The following KAZN variants were observed in gnomAD, a reference collection of about 807,000 sequenced individuals.
The protein encoded by KAZN is kazrin, periplakin interacting protein.
In KAZN, 40 loss-of-function variants were observed where a neutral mutation model predicts 87.4. That is an observed-to-expected ratio of 0.46 (90% CI 0.36 to 0.60). The LOEUF is 0.60. KAZN is among the 20% of genes least tolerant of loss of function. The pLI, the probability that KAZN is intolerant of heterozygous loss-of-function variation, is 0.00. For synonymous variants in KAZN, 466 were observed against 458.3 expected, an observed-to-expected ratio of 1.02 and a Z score of -0.22; for missense variants, 898 against 1,073.9, an observed-to-expected ratio of 0.84 and a Z score of 2.29.
At chr1:14,072,083 G>A (rs1643268239) in intron 1 of KAZN, among the ~76,000 whole-genome samples, 1 of 152,126 alleles carries the variant, frequency 6.6e-6, no homozygotes, top group Non-Finnish European at 1.5e-5. Flanking sequence ...GCAGTAATTT[G>A]ATCTCTTCAT....
In KAZN at chr1:15,044,071, A is replaced by G. The variant is rs1673210538; in HGVS notation, c.638A>G (p.Lys213Arg). 1 of 1,612,892 alleles carries G rather than the reference A, an allele frequency of 6.2e-7. No homozygotes were observed. The highest frequency in any genetic ancestry group is 8.5e-7 in the Non-Finnish European group (1 of 1,179,852). The change falls in exon 4 of 15, where the codon AAG becomes AGG. Residue 213 changes from lysine to arginine, a missense_variant. Physicochemically the swap from Lys to Arg is conservative, Grantham distance 26 (BLOSUM62 2). Around this residue, in one of 3 missense-constraint regions of KAZN, gnomAD observed 521 missense variants for 689.4 expected, o/e 0.76. Coordinates refer to ENST00000376030, the MANE Select transcript of KAZN (RefSeq NM_201628.3). ...REKWELRRQA[K>R]EATDHATALR... ...AAGTGGGAGCTGCGGCGCCAAGCCA[A>G]GGAGGCCACAGACCACGCCACGGCA... is the stretch of plus-strand genomic sequence containing the variant.
At chr1:14,945,497 C>T (rs1409703408) in intron 1 of KAZN, among the ~76,000 whole-genome samples, 1 of 152,154 alleles carries the variant, frequency 6.6e-6, no homozygotes, top group African/African-American at 2.4e-5. Flanking sequence ...TTCTGGAAGC[C>T]CTAGCAGTCT....
chr1:14,796,377 G>A (rs1645828075), intron 1 of KAZN, among the ~76,000 whole-genome samples: 1 of 152,122 alleles, frequency 6.6e-6, no homozygotes, highest in Non-Finnish European at 1.5e-5. Flanking sequence ...TCCCCATCCT[G>A]CATTCAGACC....
chr1:14,750,445 GA>G (rs1373234080), intron 1 of KAZN, among the ~76,000 whole-genome samples: 2 of 152,064 alleles, frequency 1.3e-5, no homozygotes, highest in Non-Finnish European at 2.9e-5. Context: ...TTCCAGGTAC[GA>G]ACACTGAGGC....
At chr1:14,465,526 T>C (rs1274241981) in intron 2 of KAZN, among the ~76,000 whole-genome samples, 1 of 151,790 alleles carries the variant, frequency 6.6e-6, no homozygotes, top group Non-Finnish European at 1.5e-5. Context: ...ACCAAGGTAG[T>C]AGGACTCAAA....
intron 1 of KAZN, among the ~76,000 whole-genome samples, chr1:13,957,082 G>T (rs1490382544): frequency 6.6e-6 from 1 of 152,126 alleles, no homozygotes; most frequent in African/African-American, 2.4e-5. Context: ...TGGGGTAGAA[G>T]AAGAAATCCT....
intron 1 of KAZN, among the ~76,000 whole-genome samples, chr1:14,793,413 T>C (rs1645740041): frequency 6.6e-6 from 1 of 152,136 alleles, no homozygotes. Flanking sequence ...GCTTAGAAGT[T>C]AGGGGCTGAG....
intron 1 of KAZN, among the ~76,000 whole-genome samples, chr1:13,919,531 G>T (rs1382671497): frequency 6.6e-6 from 1 of 152,096 alleles, no homozygotes; most frequent in Non-Finnish European, 1.5e-5. Flanking sequence ...AGTGTTTTTG[G>T]TGTACATGTA....
At chr1:14,522,230 G>A (rs185729597) in intron 2 of KAZN, among the ~76,000 whole-genome samples, 2 of 152,226 alleles carry the variant, frequency 1.3e-5, no homozygotes, top group East Asian at 1.9e-4. Context: ...TAATGTCTTC[G>A]TTCTCCCCAG....
At chr1:14,971,655 G>A (rs1466495482) in intron 2 of KAZN, among the ~76,000 whole-genome samples, 1 of 150,816 alleles carries the variant, frequency 6.6e-6, no homozygotes, top group Non-Finnish European at 1.5e-5. Flanking sequence ...GGAGGCACCA[G>A]GAGTTGTTTT....
intron 1 of KAZN, among the ~76,000 whole-genome samples, chr1:14,668,541 T>G (rs561764525): frequency 6.6e-6 from 1 of 152,248 alleles, no homozygotes; most frequent in East Asian, 1.9e-4. Flanking sequence ...AGAGCCCACC[T>G]GGGGAAAGGG....
At chr1:14,892,398 T>C (rs1283196108) in intron 1 of KAZN, among the ~76,000 whole-genome samples, 1 of 151,802 alleles carries the variant, frequency 6.6e-6, no homozygotes, top group Non-Finnish European at 1.5e-5. Context: ...CTCTCTCTCC[T>C]TTTTCCCCCT....
intron 1 of KAZN, among the ~76,000 whole-genome samples, chr1:14,849,724 C>T (rs1649206934): frequency 3.3e-5 from 5 of 152,300 alleles, no homozygotes; most frequent in South Asian, 2.1e-4. Context: ...AGAGGGCATT[C>T]GCTTCTGATA....
intron 1 of KAZN, among the ~76,000 whole-genome samples, chr1:14,817,947 G>A (rs1430935259): frequency 6.6e-6 from 1 of 152,212 alleles, no homozygotes; most frequent in Non-Finnish European, 1.5e-5. Flanking sequence ...TTCATGCTCA[G>A]AGCTGGAACA....
At chr1:14,776,974 G>T (rs931399664) in intron 1 of KAZN, among the ~76,000 whole-genome samples, 1 of 150,222 alleles carries the variant, frequency 6.7e-6, no homozygotes, top group Non-Finnish European at 1.5e-5. Context: ...TTTGAAGTCG[G>T]TATTTCTTCT....
intron 2 of KAZN, among the ~76,000 whole-genome samples, chr1:14,323,254 C>A (rs1327363232): frequency 6.6e-6 from 1 of 151,524 alleles, no homozygotes; most frequent in Non-Finnish European, 1.5e-5. Flanking sequence ...TCTGCTTGCA[C>A]TTTGCATGGC....
At chr1:15,051,838 T>C (rs961031625) in intron 4 of KAZN, among the ~76,000 whole-genome samples, 5 of 152,226 alleles carry the variant, frequency 3.3e-5, no homozygotes, top group African/African-American at 9.6e-5. Flanking sequence ...TGTGGGACCT[T>C]GAAGTTCAGA....
intron 1 of KAZN, among the ~76,000 whole-genome samples, chr1:14,088,319 T>A (rs1228768818): frequency 6.6e-6 from 1 of 151,858 alleles, no homozygotes; most frequent in East Asian, 1.9e-4. Context: ...CCTCACAAAT[T>A]TGGGTACAAT....
intron 1 of KAZN, among the ~76,000 whole-genome samples, chr1:14,713,737 G>A (rs953736545): frequency 3.2e-4 from 41 of 128,054 alleles, no homozygotes; most frequent in African/African-American, 1.1e-3. Context: ...CAAGGAGTAC[G>A]AGACTAGCCT....
Sources: allele counts gnomAD v4.1 joint callset (sites outside exome capture counted in the v4.1 genomes callset), GRCh38; gene constraint gnomAD v4.1.1; regional missense constraint gnomAD v4.1.1; transcripts MANE v1.5; gene names NCBI Gene and HGNC (gene_info 2026-07-23, HGNC 2026-07-21).